FRMD5: variants seen among roughly 807,000 people sequenced by gnomAD.
The protein encoded by FRMD5 is FERM domain containing 5, also known as FERM domain-containing protein 5.
In FRMD5, 20 loss-of-function variants were observed where a neutral mutation model predicts 69.0. That is an observed-to-expected ratio of 0.29 (90% CI 0.20 to 0.42). FRMD5 has a LOEUF of 0.42. FRMD5 is among the 10% of genes least tolerant of loss of function. The pLI is 1.00. For synonymous variants in FRMD5, 271 were observed against 260.1 expected, an observed-to-expected ratio of 1.04 and a Z score of -0.40; for missense variants, 595 against 708.6, an observed-to-expected ratio of 0.84 and a Z score of 1.82.
intron 1 of FRMD5, among the ~76,000 whole-genome samples, chr15:43,940,580 T>C (rs984450913): frequency 2.6e-5 from 4 of 152,156 alleles, no homozygotes; most frequent in African/African-American, 7.2e-5. Flanking sequence ...AGGACGTCGG[T>C]TGCAGATCAA....
At chr15:44,127,095 T>A (rs1213639353) in intron 1 of FRMD5, among the ~76,000 whole-genome samples, 1 of 152,212 alleles carries the variant, frequency 6.6e-6, no homozygotes, top group Non-Finnish European at 1.5e-5. Context: ...TAATAAACGT[T>A]CTTTTGAAAT....
intron 1 of FRMD5, among the ~76,000 whole-genome samples, chr15:43,977,886 A>C (rs925943695): frequency 2.6e-5 from 4 of 152,132 alleles, no homozygotes; most frequent in Admixed American, 2.6e-4. Context: ...AACCTCGCCC[A>C]TACCTTTAAC....
At chr15:44,148,486 T>C (rs895738634) in intron 1 of FRMD5, among the ~76,000 whole-genome samples, 3 of 152,182 alleles carry the variant, frequency 2.0e-5, no homozygotes, top group Admixed American at 6.5e-5. Context: ...TTAGCCAGGA[T>C]GGTCTCTATC....
intron 1 of FRMD5, among the ~76,000 whole-genome samples, chr15:44,027,015 C>G (rs1467176180): frequency 1.3e-5 from 2 of 152,152 alleles, no homozygotes; most frequent in Admixed American, 1.3e-4. Context: ...CAAGAAGAAT[C>G]TGTGGTGTTT....
At chr15:44,029,174 T>C (rs1891567951) in intron 1 of FRMD5, among the ~76,000 whole-genome samples, 1 of 152,200 alleles carries the variant, frequency 6.6e-6, no homozygotes, top group Non-Finnish European at 1.5e-5. Context: ...GCCAGTTCCA[T>C]TTTGGCACCA....
chr15:44,071,241 T>G (rs899784457), intron 1 of FRMD5, among the ~76,000 whole-genome samples: 3 of 152,190 alleles, frequency 2.0e-5, no homozygotes, highest in Admixed American at 1.3e-4. Context: ...ACACCCTAGC[T>G]GGTTAGCATC....
intron 1 of FRMD5, among the ~76,000 whole-genome samples, chr15:44,098,184 ACT>A (rs1221978360): frequency 2.0e-5 from 3 of 151,974 alleles, no homozygotes; most frequent in Non-Finnish European, 4.4e-5. Flanking sequence ...TGATTATGTT[ACT>A]CTCTGTCACC....
At chr15:44,099,162 T>A (rs1198489972) in intron 1 of FRMD5, among the ~76,000 whole-genome samples, 1 of 152,196 alleles carries the variant, frequency 6.6e-6, no homozygotes, top group Non-Finnish European at 1.5e-5. Flanking sequence ...GTCATTTTAA[T>A]AATCAAGAGA....
At chr15:43,878,310 A>G (rs1257832837) in intron 13 of FRMD5, among the ~76,000 whole-genome samples, 1 of 152,224 alleles carries the variant, frequency 6.6e-6, no homozygotes, top group East Asian at 1.9e-4. Flanking sequence ...TGCAGTTTCT[A>G]AAGACCCTGT....
chr15:44,099,271 G>A (rs1185773868), intron 1 of FRMD5, among the ~76,000 whole-genome samples: 1 of 152,086 alleles, frequency 6.6e-6, no homozygotes, highest in Non-Finnish European at 1.5e-5. Context: ...ACCACCTGAG[G>A]ATCTTGTTAA....
chr15:43,934,412 A>T (rs1236516422), intron 1 of FRMD5, among the ~76,000 whole-genome samples: 1 of 152,224 alleles, frequency 6.6e-6, no homozygotes, highest in Non-Finnish European at 1.5e-5. Flanking sequence ...TCAAAGTAAT[A>T]ACATCCCAGG....
chr15:43,881,416 G>C (rs2088526584), intron 13 of FRMD5, among the ~76,000 whole-genome samples: 1 of 152,204 alleles, frequency 6.6e-6, no homozygotes, highest in African/African-American at 2.4e-5. Context: ...GGAAACACCA[G>C]GAGGCTGTGT....
At chr15:43,936,034 G>A (rs1300526226) in intron 1 of FRMD5, among the ~76,000 whole-genome samples, 2 of 152,184 alleles carry the variant, frequency 1.3e-5, no homozygotes, top group Admixed American at 6.5e-5. Context: ...GATATGCACT[G>A]CCTGTACTGC....
At position 43,871,210 on chromosome 15, in the gene FRMD5, T is replaced by C. The variant is rs2088152277; in HGVS notation, c.*2675A>G. 1 of 152,178 alleles carries C rather than the reference T, an allele frequency of 6.6e-6. No homozygotes were observed. 9.4% of individuals were successfully genotyped at this position (152,178 alleles called of 1,614,324 possible). On this transcript the variant is annotated 3_prime_UTR_variant, in exon 14 of 14. Transcript: ENST00000417257. Reference sequence around the variant, plus strand: ...TTCAAGCACTATTTGAAAAGCAAACTGAAGGAAACTTTTCTATCCATATTT... The same window carrying C: ...TTCAAGCACTATTTGAAAAGCAAACCGAAGGAAACTTTTCTATCCATATTT...
At chr15:44,033,555 T>C (rs571381716) in intron 1 of FRMD5, among the ~76,000 whole-genome samples, 21 of 152,342 alleles carry the variant, frequency 1.4e-4, no homozygotes, top group African/African-American at 5.0e-4. Context: ...GTATATTCAC[T>C]TGAAGCTTTC....
intron 1 of FRMD5, among the ~76,000 whole-genome samples, chr15:44,018,746 C>A (rs1891081361): frequency 6.6e-6 from 1 of 152,090 alleles, no homozygotes; most frequent in Non-Finnish European, 1.5e-5. Flanking sequence ...GACTTTTGCC[C>A]TGTAAATCCC....
chr15:44,018,209 A>G (rs746478722), intron 1 of FRMD5, among the ~76,000 whole-genome samples: 1 of 152,226 alleles, frequency 6.6e-6, no homozygotes, highest in Admixed American at 6.5e-5. Flanking sequence ...CTTAATGCAA[A>G]TAAACTTCAA....
intron 1 of FRMD5, among the ~76,000 whole-genome samples, chr15:44,132,525 C>T (rs2077116503): frequency 1.3e-5 from 2 of 152,100 alleles, no homozygotes; most frequent in South Asian, 4.1e-4. Flanking sequence ...ACTTCCTGGA[C>T]TCAAGTGATC....
At chr15:43,969,169 C>T (rs1351733297) in intron 1 of FRMD5, among the ~76,000 whole-genome samples, 2 of 151,612 alleles carry the variant, frequency 1.3e-5, no homozygotes, top group African/African-American at 4.9e-5. Flanking sequence ...CTCACTGCAG[C>T]CTCCAACTCC....
Sources: gnomAD v4.1 joint callset for allele counts (sites outside exome capture counted in the v4.1 genomes callset) on GRCh38, gnomAD v4.1.1 for gene constraint, MANE v1.5 for transcripts, NCBI Gene and HGNC (gene_info 2026-07-23, HGNC 2026-07-21) for gene names.